Variants in SAP30L observed in about 807,000 individuals in gnomAD.
SAP30L encodes the protein SAP30 like, also known as histone deacetylase complex subunit SAP30L.
SAP30L carries 10 observed loss-of-function variants against 22.3 expected under a neutral mutation model. The ratio of observed to expected loss-of-function variants is 0.45; its 90% CI spans 0.28 to 0.76. SAP30L has a LOEUF of 0.76. Among genes scored for constraint, SAP30L ranks in the 30% least tolerant of loss-of-function variants. SAP30L has a pLI of 0.14. For synonymous variants in SAP30L, 91 were observed against 94.1 expected, an observed-to-expected ratio of 0.97 and a Z score of 0.19; for missense variants, 206 against 237.9, an observed-to-expected ratio of 0.87 and a Z score of 0.88.
chr5:154,450,704 C>T (rs777369105), intron 1 of SAP30L, among the ~76,000 whole-genome samples: 2 of 152,220 alleles, frequency 1.3e-5, no homozygotes, highest in Admixed American at 6.5e-5. Context: ...CTCACTCTTT[C>T]TGTCATCCTC....
Position 154,455,895 on chromosome 5 carries a change from C to G in SAP30L, c.424-5C>G. On this transcript the variant is annotated splice_region_variant and splice_polypyrimidine_tract_variant and intron_variant, in intron 3 of 3. Transcript: ENST00000297109. ...AAGGAACTTTGGTATTTTCCCCCCA[C>G]ATAGACTGTGAGTCGACACTTCAGG... 6.2e-7 allele frequency: 1 copy of G among 1,609,472 alleles called. No individual in the cohort carries two copies. Among genetic ancestry groups the G allele is most frequent in the Non-Finnish European group, 8.5e-7 (1 of 1,178,572 alleles).
At position 154,453,467 on chromosome 5, in the gene SAP30L, C is replaced by G. The variant is rs781049470; in HGVS notation, c.390C>G (p.Thr130=). 17 of 1,614,024 alleles carry G rather than the reference C, an allele frequency of 1.1e-5. No individual in the cohort carries two copies. The South Asian group carries it at 1.9e-4, about 18-fold the overall frequency. The part of the protein sequence containing the change: ...RRYKRHYKLQ[T]RPGFNKAQLA... ...ATAAACGACACTACAAGTTGCAGAC[C>G]AGACCAGGCTTCAATAAGGCCCAGT... The change falls in exon 3 of 4, where the codon ACC becomes ACG. Residue 130 remains threonine (T), a synonymous_variant. Coordinates refer to ENST00000297109, the MANE Select transcript of SAP30L (RefSeq NM_024632.6).
chr5:154,453,360 G>A (rs17116163), intron 2 of SAP30L, 42 bp from the exon 3 acceptor site: 2 of 1,420,326 alleles, frequency 1.4e-6, no homozygotes, highest in Non-Finnish European at 2.0e-6. Context: ...TGAGTCCTGG[G>A]TGGTCAGGTG....
chr5:154,447,999 G>A (rs1170501486), intron 1 of SAP30L, among the ~76,000 whole-genome samples: 5 of 114,590 alleles, frequency 4.4e-5, no homozygotes, highest in African/African-American at 1.4e-4. Flanking sequence ...TTTTTGAGAC[G>A]GAGTCTCACT....
In SAP30L at chr5:154,450,645, C is replaced by T. The variant is rs149566987; in HGVS notation, c.202-446C>T. On this transcript the variant is annotated intron_variant, in intron 1 of 3. Coordinates refer to ENST00000297109, the MANE Select transcript of SAP30L (RefSeq NM_024632.6). ...TGATGCCTCACTTTTTCATTATGCTCCTACATGGGCAGCCATCATCACCCA... is the reference window on the plus strand; with the variant it reads ...TGATGCCTCACTTTTTCATTATGCTTCTACATGGGCAGCCATCATCACCCA... 1.5e-3 allele frequency among the ~76,000 whole-genome samples: 231 copies of T among 152,280 alleles called. No homozygotes were observed. In the Middle Eastern group the frequency reaches 0.017, roughly 11 times the overall value.
At position 154,446,707 on chromosome 5, in the gene SAP30L, G is replaced by T; in HGVS notation, c.103G>T (p.Gly35Cys). 1 of 1,599,230 alleles carries T rather than the reference G, an allele frequency of 6.3e-7. No homozygotes were observed. The change falls in exon 1 of 4, where the codon GGC becomes TGC. Residue 35 changes from glycine (G) to cysteine (C), a missense_variant. Gly to Cys is a radical substitution (Grantham distance 159). Transcript: ENST00000297109. ...YGQSCCLIED[G>C]ERCVRPAGNA... ...CCAGAGCTGCTGCCTCATCGAGGAC[G>T]GCGAGCGCTGCGTCCGGCCCGCGGG...
At position 154,453,481 on chromosome 5, in the gene SAP30L, A is replaced by G. The variant is rs1177966507; in HGVS notation, c.404A>G (p.Asn135Ser). The change falls in exon 3 of 4, where the codon AAT becomes AGT. Residue 135 changes from asparagine (N) to serine (S), a missense_variant. Around this residue, in one of 2 missense-constraint regions of SAP30L, gnomAD observed 136 missense variants for 187.4 expected, o/e 0.73. Transcript: ENST00000297109. ...HYKLQTRPGF[N>S]KAQLAETVSR... ...AAGTTGCAGACCAGACCAGGCTTCA[A>G]TAAGGCCCAGTTAGCAGAAGTAGGT... 6.8e-6 allele frequency: 11 copies of G among 1,613,572 alleles called. No homozygotes were observed. Among genetic ancestry groups the G allele is most frequent in the East Asian group, 2.2e-5 (1 of 44,900 alleles).
chr5:154,450,052 G>T (rs1757106541), intron 1 of SAP30L, among the ~76,000 whole-genome samples: 1 of 152,198 alleles, frequency 6.6e-6, no homozygotes, highest in Non-Finnish European at 1.5e-5. Context: ...AAGGATTTAA[G>T]GAATAAACTC....
chr5:154,456,102 A>G lies in SAP30L; in HGVS notation c.*74A>G, dbSNP rs564692131. 4 of 1,450,766 alleles carry G rather than the reference A, an allele frequency of 2.8e-6. No individual in the cohort carries two copies. Among genetic ancestry groups the G allele is most frequent in the African/African-American group, 1.4e-5 (1 of 70,360 alleles). 89.9% of individuals were successfully genotyped at this position (1,450,766 alleles called of 1,614,324 possible). Reference sequence around the variant, plus strand: ...TGATATCTACTACATTTAAGCCCATAAAGACTGTTAAATATTATTGTAAAT... The same window carrying G: ...TGATATCTACTACATTTAAGCCCATGAAGACTGTTAAATATTATTGTAAAT... On this transcript the variant is annotated 3_prime_UTR_variant, in exon 4 of 4. Transcript: ENST00000297109.
intron 1 of SAP30L, among the ~76,000 whole-genome samples, chr5:154,448,233 C>A (rs1448216485): frequency 6.6e-6 from 1 of 152,148 alleles, no homozygotes; most frequent in Non-Finnish European, 1.5e-5. Flanking sequence ...GCCTAGGCCT[C>A]CCAAAGTTCT....
At chr5:154,454,623 TAAAC>T (rs1440719073) in intron 3 of SAP30L, among the ~76,000 whole-genome samples, 1 of 152,150 alleles carries the variant, frequency 6.6e-6, no homozygotes, top group Non-Finnish European at 1.5e-5. Context: ...CACTTTTTCT[TAAAC>T]AACTCCTTCA....
intron 3 of SAP30L, among the ~76,000 whole-genome samples, 192 bp downstream of exon 3, chr5:154,453,692 A>T (rs1287810520): frequency 6.6e-6 from 1 of 152,234 alleles, no homozygotes; most frequent in East Asian, 1.9e-4. Context: ...TCCAGAAAAG[A>T]AACCATGGCA....
At position 154,451,489 on chromosome 5, in the gene SAP30L, C is replaced by A. The variant is rs370818784; in HGVS notation, c.324+276C>A. Among the ~76,000 whole-genome samples the A allele has an allele frequency of 4.6e-5, 7 of 152,302 alleles. No individual in the cohort carries two copies. The South Asian group carries it at 1.4e-3, about 32-fold the overall frequency. ...CTAGTCTAGGGCCCTTTCCAGTAGA[C>A]CACACTGCTTTTCTGCAAGACGCCC... On this transcript the variant is annotated intron_variant, in intron 2 of 3. Transcript: ENST00000297109.
Position 154,446,595 on chromosome 5 carries a change from G to T in SAP30L, c.-10G>T. On this transcript the variant is annotated 5_prime_UTR_variant, in exon 1 of 4. Transcript: ENST00000297109. ...ACCCTCCCCCAGAGGGACCGGCCCG[G>T]GGCGGGGAGATGAACGGCTTCAGCA... 6.8e-7 allele frequency: 1 copy of T among 1,470,788 alleles called. No homozygotes were observed. The highest frequency in any genetic ancestry group is 9.0e-7 in the Non-Finnish European group (1 of 1,115,392). The allele number at this position is 1,470,788 out of a possible 1,614,324, so 91.1% of individuals were successfully genotyped here.
Position 154,451,147 on chromosome 5 carries a change from TAAAAG to T in SAP30L, c.259_263del (p.Lys87GlufsTer6). On this transcript the variant is annotated frameshift_variant, in exon 2 of 4. Coordinates refer to ENST00000297109, the MANE Select transcript of SAP30L (RefSeq NM_024632.6). LOFTEE classifies it high-confidence loss of function. ...AAAATTTCATCCAGAGTGTCCGAAA[TAAAAG>T]GAAGAGGAAGACAAGTGACGATGGC... The T allele has an allele frequency of 6.2e-7, 1 of 1,614,090 alleles. No homozygotes were observed. The highest frequency in any genetic ancestry group is 8.5e-7 in the Non-Finnish European group (1 of 1,180,006).
In SAP30L at chr5:154,453,447, C is replaced by T. The variant is rs757396702; in HGVS notation, c.370C>T (p.Arg124Ter). 6 of 1,613,964 alleles carry T rather than the reference C, an allele frequency of 3.7e-6. No homozygotes were observed. The highest frequency in any genetic ancestry group is 1.7e-5 in the Admixed American group (1 of 59,986). ...GGTGAACACCCTACGACGTTATAAA[C>T]GACACTACAAGTTGCAGACCAGACC... is the stretch of plus-strand genomic sequence containing the variant. ...LQVNTLRRYK[R>*]HYKLQTRPGF... is the part of the protein sequence containing the mutation. Residue 124 changes from arginine (R) to a stop codon, truncating the protein, a stop_gained, in exon 3 of 4, where the codon CGA (arginine) becomes TGA (stop). Coordinates refer to ENST00000297109, the MANE Select transcript of SAP30L (RefSeq NM_024632.6). LOFTEE classifies it high-confidence loss of function.
chr5:154,455,993 G>A lies in SAP30L; in HGVS notation c.517G>A (p.Asp173Asn). The A allele has an allele frequency of 6.2e-7, 1 of 1,613,976 alleles. No homozygotes were observed. The highest frequency in any genetic ancestry group is 8.5e-7 in the Non-Finnish European group (1 of 1,179,968). ...GGTGAAGAGTAACAAGAGTAGACTG[G>A]ACCAGAAATCGGAGGGTGGCAAGCA... is the stretch of plus-strand genomic sequence containing the variant. Reference protein sequence around the residue: ...YMVKSNKSRLDQKSEGGKQLE With the variant: ...YMVKSNKSRLNQKSEGGKQLE Residue 173 changes from aspartate to asparagine, a missense_variant, in exon 4 of 4, where the codon GAC becomes AAC. Physicochemically the swap from Asp to Asn is conservative, Grantham distance 23. Transcript: ENST00000297109.
chr5:154,451,049 A>C, intron 1 of SAP30L, 42 bp from the exon 2 acceptor site: 1 of 1,612,628 alleles, frequency 6.2e-7, no homozygotes, highest in South Asian at 1.1e-5. Flanking sequence ...TGCTGTCTCC[A>C]AGGAATTGGC....
intron 1 of SAP30L, among the ~76,000 whole-genome samples, chr5:154,449,844 T>C (rs888570928): frequency 9.2e-5 from 14 of 152,210 alleles, no homozygotes; most frequent in Admixed American, 5.9e-4. Flanking sequence ...CCTATATTGG[T>C]ACATCAACAT....
Sources: gnomAD v4.1 joint callset for allele counts (sites outside exome capture counted in the v4.1 genomes callset) on GRCh38, gnomAD v4.1.1 for gene constraint, gnomAD v4.1.1 regional missense constraint, MANE v1.5 for transcripts, NCBI Gene and HGNC (gene_info 2026-07-23, HGNC 2026-07-21) for gene names.